Variants in DENND1A observed in about 807,000 individuals in gnomAD.
The protein encoded by DENND1A is DENN domain-containing protein 1A.
DENND1A carries 51 observed loss-of-function variants against 113.7 expected under a neutral mutation model. The observed-to-expected ratio is 0.45, with a 90% CI of 0.36 to 0.57. The LOEUF (loss-of-function observed/expected upper bound fraction) is 0.57. Among genes scored for constraint, DENND1A ranks in the 20% least tolerant of loss-of-function variants. The pLI, the probability that DENND1A is intolerant of heterozygous loss-of-function variation, is 0.00. For synonymous variants in DENND1A, 565 were observed against 570.8 expected (o/e 0.99, Z 0.14); for missense variants, 1,258 against 1,395.9 (o/e 0.90, Z 1.57).
At chr9:123,624,732 G>A (rs940235938) in intron 10 of DENND1A, among the ~76,000 whole-genome samples, 1 of 152,176 alleles carries the variant, frequency 6.6e-6, no homozygotes, top group Non-Finnish European at 1.5e-5. Context: ...TCTCTTCTAA[G>A]TTAGACCTTC....
chr9:123,786,082 A>G (rs1472405331), intron 3 of DENND1A, among the ~76,000 whole-genome samples: 1 of 151,966 alleles, frequency 6.6e-6, no homozygotes, highest in Non-Finnish European at 1.5e-5. Context: ...GTATGTTGGC[A>G]CACACTTGTA....
chr9:123,419,463 G>A (rs2045045196), intron 19 of DENND1A, among the ~76,000 whole-genome samples: 1 of 152,244 alleles, frequency 6.6e-6, no homozygotes, highest in Non-Finnish European at 1.5e-5. Context: ...AATGGAGATG[G>A]GGAAGAGAGC....
chr9:123,394,451 A>T (rs2043016634), intron 21 of DENND1A, among the ~76,000 whole-genome samples: 1 of 152,052 alleles, frequency 6.6e-6, no homozygotes, highest in Non-Finnish European at 1.5e-5. Flanking sequence ...GGTGACGTGC[A>T]AGTCTGGGGG....
chr9:123,442,709 T>C (rs766134586), intron 18 of DENND1A, among the ~76,000 whole-genome samples: 40 of 152,216 alleles, frequency 2.6e-4, no homozygotes, highest in Non-Finnish European at 4.7e-4. Flanking sequence ...GTAGTAGTTT[T>C]GGAAAAAGCA....
intron 1 of DENND1A, among the ~76,000 whole-genome samples, chr9:123,888,039 C>T (rs1255423508): frequency 6.6e-6 from 1 of 152,136 alleles, no homozygotes; most frequent in African/African-American, 2.4e-5. Flanking sequence ...GCAGCAACAC[C>T]CCAACAGCAA....
At chr9:123,851,349 A>G (rs573448444) in intron 2 of DENND1A, among the ~76,000 whole-genome samples, 2 of 152,348 alleles carry the variant, frequency 1.3e-5, no homozygotes, top group East Asian at 3.9e-4. Flanking sequence ...ATGTTGTTGA[A>G]TATAGCAATA....
intron 19 of DENND1A, among the ~76,000 whole-genome samples, chr9:123,439,069 G>A (rs1253841107): frequency 6.6e-6 from 1 of 152,230 alleles, no homozygotes; most frequent in African/African-American, 2.4e-5. Context: ...ACAACCAGGG[G>A]CTGTGCTTTC....
chr9:123,538,129 A>G (rs187104913), intron 13 of DENND1A, among the ~76,000 whole-genome samples: 2 of 152,348 alleles, frequency 1.3e-5, no homozygotes, highest in East Asian at 3.9e-4. Context: ...TCATGGTAGT[A>G]TGTGTATTAT....
At chr9:123,576,114 G>C (rs2058621744) in intron 12 of DENND1A, among the ~76,000 whole-genome samples, 1 of 151,976 alleles carries the variant, frequency 6.6e-6, no homozygotes, top group Non-Finnish European at 1.5e-5. Flanking sequence ...TCCTCCCTTA[G>C]TGGCCCTTGT....
chr9:123,776,168 T>C (rs1830443759), intron 3 of DENND1A, among the ~76,000 whole-genome samples: 1 of 152,232 alleles, frequency 6.6e-6, no homozygotes, highest in Admixed American at 6.5e-5. Flanking sequence ...CTGGGCGCTG[T>C]GTATGTGTGT....
At chr9:123,604,990 C>T (rs929721548) in intron 11 of DENND1A, among the ~76,000 whole-genome samples, 1 of 152,106 alleles carries the variant, frequency 6.6e-6, no homozygotes, top group African/African-American at 2.4e-5. Flanking sequence ...CCAGTGATCC[C>T]ATAAGGGAGA....
At chr9:123,520,067 G>A (rs910511014) in intron 13 of DENND1A, among the ~76,000 whole-genome samples, 4 of 149,842 alleles carry the variant, frequency 2.7e-5, no homozygotes, top group Admixed American at 1.3e-4. Context: ...GGCAGAGGCA[G>A]GAGGACTGCC....
intron 13 of DENND1A, among the ~76,000 whole-genome samples, chr9:123,533,048 C>T (rs1032919734): frequency 1.3e-5 from 2 of 152,218 alleles, no homozygotes; most frequent in Non-Finnish European, 2.9e-5. Flanking sequence ...TGCAGGGTTA[C>T]AGCTTAATGT....
rs115901031 is a variant in DENND1A, at chr9:123,474,997, C to T, written c.994-17100G>A. On this transcript the variant is annotated intron_variant, in intron 13 of 23. Transcript: ENST00000394215. ...AGGATAAAAATAGGACCTACTTTGTCACACCGCTGTGTGGGTTTTTTAATT... is the reference window on the plus strand; with the variant it reads ...AGGATAAAAATAGGACCTACTTTGTTACACCGCTGTGTGGGTTTTTTAATT... Among the ~76,000 whole-genome samples the T allele has an allele frequency of 3.3e-3, 496 of 152,094 alleles. 4 individuals are homozygous for T. The highest frequency in any genetic ancestry group is 0.011 in the African/African-American group (463 of 41,526).
At chr9:123,796,156 T>C (rs1338617842) in intron 2 of DENND1A, among the ~76,000 whole-genome samples, 1 of 152,216 alleles carries the variant, frequency 6.6e-6, no homozygotes. Context: ...ATGCATCTCT[T>C]AACCAAAGAG....
At chr9:123,775,355 A>G (rs1830306148) in intron 3 of DENND1A, among the ~76,000 whole-genome samples, 1 of 152,220 alleles carries the variant, frequency 6.6e-6, no homozygotes, top group African/African-American at 2.4e-5. Context: ...TTAAGCATTT[A>G]AATTCCTGTT....
intron 2 of DENND1A, among the ~76,000 whole-genome samples, chr9:123,826,761 T>G (rs930990653): frequency 1.3e-5 from 2 of 152,212 alleles, no homozygotes; most frequent in Admixed American, 1.3e-4. Flanking sequence ...GACAAGCATC[T>G]CACCCATTTA....
chr9:123,403,042 T>C (rs1349990262), intron 21 of DENND1A, among the ~76,000 whole-genome samples: 2 of 152,178 alleles, frequency 1.3e-5, no homozygotes, highest in African/African-American at 4.8e-5. Context: ...GGAAGGTGGG[T>C]GGATCCAGTT....
chr9:123,838,377 A>T (rs1481226025), intron 2 of DENND1A, among the ~76,000 whole-genome samples: 1 of 152,168 alleles, frequency 6.6e-6, no homozygotes, highest in African/African-American at 2.4e-5. Context: ...TATATATATA[A>T]TATGTATATA....
Sources: allele counts gnomAD v4.1 joint callset (sites outside exome capture counted in the v4.1 genomes callset), GRCh38; gene constraint gnomAD v4.1.1; transcripts MANE v1.5; gene names NCBI Gene and HGNC (gene_info 2026-07-23, HGNC 2026-07-21).